ARNT2: variants seen among roughly 807,000 people sequenced by gnomAD.
The protein encoded by ARNT2 is aryl hydrocarbon receptor nuclear translocator 2.
A neutral mutation model predicts 91.7 loss-of-function variants in ARNT2; 36 were observed. That is an observed-to-expected ratio of 0.39 (90% CI 0.30 to 0.52). The LOEUF (loss-of-function observed/expected upper bound fraction) is 0.52, where lower values mean the gene tolerates loss of function less well. Among genes scored for constraint, ARNT2 ranks in the 20% least tolerant of loss-of-function variants. The pLI, the probability that ARNT2 is intolerant of heterozygous loss-of-function variation, is 0.72. For synonymous variants in ARNT2, 365 were observed against 347.1 expected (o/e 1.05, Z -0.57); for missense variants, 775 against 939.3 (o/e 0.83, Z 2.29).
chr15:80,424,242 C>A (rs1895902974), intron 1 of ARNT2, among the ~76,000 whole-genome samples: 1 of 152,214 alleles, frequency 6.6e-6, no homozygotes, highest in Non-Finnish European at 1.5e-5. Flanking sequence ...AGGGAACATT[C>A]CTCAGGCAGG....
chr15:80,563,627 C>T (rs142220313), intron 12 of ARNT2, among the ~76,000 whole-genome samples: 7 of 152,242 alleles, frequency 4.6e-5, no homozygotes, highest in African/African-American at 9.6e-5. Flanking sequence ...CTACCGAAGC[C>T]GGGGGTGGAG....
chr15:80,538,005 G>A (rs187326883), intron 8 of ARNT2, among the ~76,000 whole-genome samples: 4 of 152,292 alleles, frequency 2.6e-5, no homozygotes, highest in Middle Eastern at 3.4e-3. Context: ...AGAATGCCAT[G>A]TGAAGATGAA....
At position 80,407,475 on chromosome 15, in the gene ARNT2, A is replaced by G. The variant is rs563989183; in HGVS notation, c.31+2929A>G. On this transcript the variant is annotated intron_variant, in intron 1 of 18. Coordinates refer to ENST00000303329, the MANE Select transcript of ARNT2 (RefSeq NM_014862.4). ...ATTCTACCAGCTACTCTGGGAGAGG[A>G]GAAGAAAGGATTGGGCTCCCAGATA... Among the ~76,000 whole-genome samples, 13 of 152,278 alleles carry G rather than the reference A, an allele frequency of 8.5e-5. No homozygotes were observed. The East Asian group carries it at 2.5e-3, about 29-fold the overall frequency.
intron 11 of ARNT2, chr15:80,562,876 G>T: frequency 6.2e-6 from 4 of 647,942 alleles, no homozygotes; most frequent in Non-Finnish European, 1.1e-5. Flanking sequence ...GTTACAGAAT[G>T]ACCCAGATGC....
At chr15:80,587,511 C>T (rs545293746) in intron 17 of ARNT2, among the ~76,000 whole-genome samples, 1 of 152,216 alleles carries the variant, frequency 6.6e-6, no homozygotes, top group Non-Finnish European at 1.5e-5. Context: ...AGTCTTAGGG[C>T]AATTTCCAAA....
At chr15:80,484,213 G>A (rs1197208920) in intron 5 of ARNT2, among the ~76,000 whole-genome samples, 7 of 151,084 alleles carry the variant, frequency 4.6e-5, no homozygotes, top group East Asian at 1.9e-4. Context: ...ATTTGATCTC[G>A]ACTCAACTAT....
chr15:80,576,836 C>T (rs978710258), intron 14 of ARNT2, 30 bp from the exon 15 acceptor site: 7 of 1,611,070 alleles, frequency 4.3e-6, no homozygotes, highest in African/African-American at 2.7e-5. Context: ...AGGGAACCTT[C>T]GCATGTGACT....
At position 80,580,567 on chromosome 15, in the gene ARNT2, G is replaced by A. The variant is rs761564017; in HGVS notation, c.1752+18G>A. ...CGGGACAGGTATGGGCATCTGTGAG[G>A]GCATCTCCCCTGGGTGACCAGAGAG... On this transcript the variant is annotated intron_variant, in intron 16 of 18. Coordinates refer to ENST00000303329, the MANE Select transcript of ARNT2 (RefSeq NM_014862.4). 1 of 1,613,360 alleles carries A rather than the reference G, an allele frequency of 6.2e-7. No individual in the cohort carries two copies. The highest frequency in any genetic ancestry group is 1.3e-5 in the African/African-American group (1 of 74,868).
intron 4 of ARNT2, among the ~76,000 whole-genome samples, chr15:80,474,054 C>A (rs913865450): frequency 2.0e-5 from 3 of 152,162 alleles, no homozygotes; most frequent in African/African-American, 4.8e-5. Context: ...CTGGCTCCTG[C>A]AGGCACAAAG....
chr15:80,588,663 C>G (rs993119207), intron 17 of ARNT2, among the ~76,000 whole-genome samples: 8 of 152,108 alleles, frequency 5.3e-5, no homozygotes, highest in Admixed American at 2.0e-4. Context: ...CACCATCAGG[C>G]CTTTGAACAG....
intron 5 of ARNT2, among the ~76,000 whole-genome samples, chr15:80,495,014 T>C (rs990462867): frequency 6.6e-6 from 1 of 152,178 alleles, no homozygotes; most frequent in Non-Finnish European, 1.5e-5. Context: ...GAAAGGCTCT[T>C]CTGAGTGTCT....
chr15:80,558,335 T>A (rs1326821771), intron 11 of ARNT2, among the ~76,000 whole-genome samples: 1 of 63,756 alleles, frequency 1.6e-5, no homozygotes, highest in Non-Finnish European at 3.5e-5. Context: ...CGTCTGTGCT[T>A]TTTTTTTTTT....
intron 1 of ARNT2, chr15:80,442,769 G>A: frequency 1.1e-6 from 1 of 876,906 alleles, no homozygotes; most frequent in Non-Finnish European, 1.4e-6. Flanking sequence ...TGGCATGGTA[G>A]TTGTAAATAT....
intron 15 of ARNT2, among the ~76,000 whole-genome samples, chr15:80,577,630 T>A (rs758683027): frequency 6.6e-6 from 1 of 152,230 alleles, no homozygotes; most frequent in Non-Finnish European, 1.5e-5. Flanking sequence ...AAGTTCCTCA[T>A]GCCCAGCAGG....
intron 8 of ARNT2, among the ~76,000 whole-genome samples, chr15:80,520,239 A>T (rs1407182088): frequency 6.6e-6 from 1 of 152,204 alleles, no homozygotes; most frequent in Admixed American, 6.5e-5. Context: ...CATGCTGAAG[A>T]TGTAGACTCA....
At chr15:80,540,575 T>C (rs1199178400) in intron 8 of ARNT2, among the ~76,000 whole-genome samples, 1 of 152,182 alleles carries the variant, frequency 6.6e-6, no homozygotes, top group Non-Finnish European at 1.5e-5. Context: ...TGCTGAGGTT[T>C]AGGGTATGGT....
chr15:80,472,457 G>A (rs1896745038), intron 4 of ARNT2, among the ~76,000 whole-genome samples: 1 of 152,226 alleles, frequency 6.6e-6, no homozygotes, highest in Non-Finnish European at 1.5e-5. Flanking sequence ...CTCGATTTAT[G>A]TCATGGAAGT....
At chr15:80,506,870 A>G (rs1324232651) in intron 5 of ARNT2, among the ~76,000 whole-genome samples, 2 of 152,180 alleles carry the variant, frequency 1.3e-5, no homozygotes, top group Non-Finnish European at 2.9e-5. Context: ...TGGTGTCCCA[A>G]GGCAAGAATG....
intron 6 of ARNT2, among the ~76,000 whole-genome samples, chr15:80,512,955 GCA>G (rs1897366640): frequency 6.6e-6 from 1 of 152,182 alleles, no homozygotes; most frequent in East Asian, 1.9e-4. Context: ...AAAGCACTGG[GCA>G]CAGTCAGCCA....
Sources: gnomAD v4.1 joint callset for allele counts (sites outside exome capture counted in the v4.1 genomes callset) on GRCh38, gnomAD v4.1.1 for gene constraint, MANE v1.5 for transcripts, NCBI Gene and HGNC (gene_info 2026-07-23, HGNC 2026-07-21) for gene names.